Variants in CNTN6 observed in about 807,000 individuals in gnomAD.
CNTN6 encodes contactin 6, also known as contactin-6.
A neutral mutation model predicts 122.8 loss-of-function variants in CNTN6; 137 were observed. The observed-to-expected ratio is 1.12, with a 90% confidence interval of 0.97 to 1.29. The LOEUF (loss-of-function observed/expected upper bound fraction) is 1.29. Among genes scored for constraint, CNTN6 ranks in the 50% most tolerant of loss-of-function variants. CNTN6 has a pLI of 0.00. For synonymous variants in CNTN6, 570 were observed against 426.0 expected (o/e 1.34, Z -4.16); for missense variants, 1,634 against 1,223.4 (o/e 1.34, Z -5.01).
At chr3:1,310,063 T>C (rs147848269) in intron 7 of CNTN6, among the ~76,000 whole-genome samples, 208 of 152,012 alleles carry the variant, frequency 1.4e-3, no homozygotes, top group African/African-American at 4.1e-3. Context: ...CATTGCTGCC[T>C]GGGAACAAGT....
intron 2 of CNTN6, among the ~76,000 whole-genome samples, chr3:1,203,677 C>T (rs1190109696): frequency 6.6e-6 from 1 of 152,144 alleles, no homozygotes; most frequent in Non-Finnish European, 1.5e-5. Flanking sequence ...GCAGTGAAAC[C>T]ACGGTAGCAA....
At chr3:1,209,039 C>A (rs907527387) in intron 2 of CNTN6, among the ~76,000 whole-genome samples, 2 of 152,084 alleles carry the variant, frequency 1.3e-5, no homozygotes, top group Non-Finnish European at 2.9e-5. Flanking sequence ...TGGCTTTAAC[C>A]TAAAGAGATC....
At chr3:1,325,330 C>G (rs1408824839) in intron 8 of CNTN6, among the ~76,000 whole-genome samples, 1 of 151,722 alleles carries the variant, frequency 6.6e-6, no homozygotes, top group East Asian at 1.9e-4. Context: ...TACCAAAATG[C>G]CAGGAAGCTC....
At chr3:1,397,885 T>C (rs1695179371) in intron 20 of CNTN6, among the ~76,000 whole-genome samples, 1 of 152,156 alleles carries the variant, frequency 6.6e-6, no homozygotes, top group Admixed American at 6.6e-5. Flanking sequence ...CTTAGAGGTG[T>C]AACATAAGAA....
intron 2 of CNTN6, among the ~76,000 whole-genome samples, chr3:1,153,094 G>C (rs1386366342): frequency 6.6e-6 from 1 of 152,054 alleles, no homozygotes; most frequent in African/African-American, 2.4e-5. Flanking sequence ...TGTCATTTGT[G>C]TTTGTTTTGC....
At chr3:1,195,777 G>A (rs1474065523) in intron 2 of CNTN6, among the ~76,000 whole-genome samples, 1 of 152,080 alleles carries the variant, frequency 6.6e-6, no homozygotes, top group Non-Finnish European at 1.5e-5. Flanking sequence ...CATTCATTAT[G>A]TATTGAATCT....
intron 7 of CNTN6, among the ~76,000 whole-genome samples, chr3:1,311,458 A>G (rs1490764700): frequency 9.4e-5 from 9 of 95,506 alleles, no homozygotes; most frequent in Non-Finnish European, 1.9e-4. Flanking sequence ...CTTTATATGT[A>G]CATATATGTA....
At chr3:1,315,290 T>C (rs17037540) in intron 7 of CNTN6, among the ~76,000 whole-genome samples, 3,711 of 152,112 alleles carry the variant, frequency 0.024, 170 homozygotes, top group African/African-American at 0.084. Flanking sequence ...AGTATCAACA[T>C]GGACAAACTA....
intron 1 of CNTN6, among the ~76,000 whole-genome samples, chr3:1,103,064 C>CAG (rs2091028761): frequency 2.0e-5 from 3 of 151,932 alleles, no homozygotes; most frequent in Admixed American, 6.6e-5. Flanking sequence ...CAAGATGGCG[C>CAG]CACCGCACTC....
chr3:1,274,353 C>T (rs1691926742), intron 4 of CNTN6, among the ~76,000 whole-genome samples: 1 of 152,048 alleles, frequency 6.6e-6, no homozygotes, highest in Non-Finnish European at 1.5e-5. Context: ...GATGTAAATT[C>T]CTGTATGAGA....
At chr3:1,217,066 T>C (rs2094139782) in intron 2 of CNTN6, among the ~76,000 whole-genome samples, 3 of 152,228 alleles carry the variant, frequency 2.0e-5, no homozygotes, top group African/African-American at 4.8e-5. Flanking sequence ...CAATATATTA[T>C]TAAATCTCAA....
rs1025154612 is a variant in CNTN6, at chr3:1,161,815, T to C, written c.55+13752T>C. 2.6e-5 allele frequency among the ~76,000 whole-genome samples: 4 copies of C among 151,726 alleles called. No homozygotes were observed. In the South Asian group the frequency reaches 8.3e-4, roughly 31 times the overall value. On this transcript the variant is annotated intron_variant, in intron 2 of 22. Transcript: ENST00000446702. Reference sequence around the variant, plus strand: ...ACACACACACACAAACATATATATGTTCTGTACATGTATATGTGTGTAGAT... The same window carrying C: ...ACACACACACACAAACATATATATGCTCTGTACATGTATATGTGTGTAGAT...
At chr3:1,306,454 T>C (rs1039805989) in intron 7 of CNTN6, among the ~76,000 whole-genome samples, 1 of 152,152 alleles carries the variant, frequency 6.6e-6, no homozygotes, top group African/African-American at 2.4e-5. Context: ...CACTACACTC[T>C]CACATAAACA....
At chr3:1,116,236 G>A (rs555579026) in intron 1 of CNTN6, among the ~76,000 whole-genome samples, 144 of 152,158 alleles carry the variant, frequency 9.5e-4, no homozygotes, top group African/African-American at 3.3e-3. Flanking sequence ...TAGCAGGCCT[G>A]GAGAAAAACA....
intron 4 of CNTN6, among the ~76,000 whole-genome samples, chr3:1,229,988 T>C (rs1226170115): frequency 6.6e-6 from 1 of 152,174 alleles, no homozygotes; most frequent in Non-Finnish European, 1.5e-5. Context: ...GTCTGAAATA[T>C]TTCTCATTGT....
At chr3:1,176,364 C>G (rs888181844) in intron 2 of CNTN6, among the ~76,000 whole-genome samples, 10 of 152,152 alleles carry the variant, frequency 6.6e-5, no homozygotes, top group African/African-American at 2.4e-4. Context: ...TTGCTGTGGG[C>G]CAAGATCGTG....
rs560526833 is a variant in CNTN6, at chr3:1,359,015, A to T, written c.1492+6564A>T. 5.3e-5 allele frequency among the ~76,000 whole-genome samples: 8 copies of T among 152,188 alleles called. No homozygotes were observed. In the East Asian group the frequency reaches 7.8e-4, roughly 15 times the overall value. On this transcript the variant is annotated intron_variant, in intron 12 of 22. Transcript: ENST00000446702. The stretch of plus-strand genomic sequence containing the variant: ...TTCAAGATTGCAGTGAGCTATGATC[A>T]TGCCACTGTACTCCAGCCTAGGCAA...
At chr3:1,239,223 C>G (rs1439785519) in intron 4 of CNTN6, among the ~76,000 whole-genome samples, 3 of 152,124 alleles carry the variant, frequency 2.0e-5, no homozygotes, top group African/African-American at 4.8e-5. Context: ...AAAAAGAAGT[C>G]AAACTGTCTC....
chr3:1,256,014 G>A (rs947102818), intron 4 of CNTN6, among the ~76,000 whole-genome samples: 6 of 151,946 alleles, frequency 3.9e-5, no homozygotes, highest in African/African-American at 9.6e-5. Flanking sequence ...GAATACAGGC[G>A]TGTGCCACCA....
Sources: allele counts gnomAD v4.1 joint callset (sites outside exome capture counted in the v4.1 genomes callset), GRCh38; gene constraint gnomAD v4.1.1; transcripts MANE v1.5; gene names NCBI Gene and HGNC (gene_info 2026-07-23, HGNC 2026-07-21).